The following ZFR variants were observed in gnomAD, a reference collection of about 807,000 sequenced individuals.
ZFR encodes the protein zinc finger RNA-binding protein.
ZFR carries 19 observed loss-of-function variants against 130.7 expected under a neutral mutation model. That is an observed-to-expected ratio of 0.15 (90% CI 0.10 to 0.21). ZFR has a LOEUF of 0.21. Among genes scored for constraint, ZFR ranks in the 10% least tolerant of loss-of-function variants. The pLI is 1.00. For missense variants in ZFR, 872 were observed against 1,321.5 expected (o/e 0.66, Z 5.27); for synonymous variants, 466 against 456.9 (o/e 1.02, Z -0.25).
intron 15 of ZFR, 132 bp downstream of exon 15, chr5:32,385,376 C>CTAAA: frequency 9.3e-7 from 1 of 1,072,466 alleles, no homozygotes; most frequent in African/African-American, 1.6e-5. Flanking sequence ...AAACCGGTTG[C>CTAAA]TAAATAAGTC....
At chr5:32,360,694 T>C (rs1752414128) in intron 19 of ZFR, among the ~76,000 whole-genome samples, 2 of 152,230 alleles carry the variant, frequency 1.3e-5, no homozygotes, top group African/African-American at 4.8e-5. Flanking sequence ...TATCTAGATA[T>C]CAAAGAGTTG....
At chr5:32,416,661 C>T (rs560238821) in intron 4 of ZFR, among the ~76,000 whole-genome samples, 54 of 150,642 alleles carry the variant, frequency 3.6e-4, no homozygotes, top group Middle Eastern at 3.4e-3. Flanking sequence ...CAGATAGTCA[C>T]TATAATTCAA....
At chr5:32,403,506 T>G (rs1172358543) in intron 7 of ZFR, 109 bp from the exon 8 acceptor site, 1 of 1,369,142 alleles carries the variant, frequency 7.3e-7, no homozygotes, top group East Asian at 2.3e-5. Flanking sequence ...TTTGTTGTAT[T>G]TTTTCTGCTA....
intron 8 of ZFR, among the ~76,000 whole-genome samples, chr5:32,401,067 A>G (rs1338902444): frequency 6.6e-6 from 1 of 152,260 alleles, no homozygotes. Context: ...GAAGAACCTC[A>G]GAAACTGATG....
At chr5:32,431,089 A>T (rs368527708) in intron 2 of ZFR, among the ~76,000 whole-genome samples, 2 of 152,252 alleles carry the variant, frequency 1.3e-5, no homozygotes, top group African/African-American at 2.4e-5. Context: ...AACGAAAGCA[A>T]GAGGAAAACC....
At position 32,388,350 on chromosome 5, in the gene ZFR, C is replaced by G; in HGVS notation, c.2348+119G>C. 6 of 933,600 alleles carry G rather than the reference C, an allele frequency of 6.4e-6. No individual in the cohort carries two copies. The South Asian group carries it at 1.1e-4, about 16-fold the overall frequency. The allele number at this position is 933,600 out of a possible 1,614,324, so 57.8% of individuals were successfully genotyped here. A position where few individuals can be genotyped will look rare whatever the true frequency, so the allele number is the denominator to read the frequency against. ...GAATACATGAAATATCGAACACAGG[C>G]ATGGTTAAAACACATAGAACTCACA... On this transcript the variant is annotated intron_variant, in intron 13 of 19. Coordinates refer to ENST00000265069, the MANE Select transcript of ZFR (RefSeq NM_016107.5).
intron 16 of ZFR, 67 bp downstream of exon 16, chr5:32,380,008 T>C: frequency 7.5e-7 from 1 of 1,330,468 alleles, no homozygotes; most frequent in South Asian, 1.2e-5. Flanking sequence ...TAAGCACAGT[T>C]AAACATGTTG....
rs774704064 is a variant in ZFR, at chr5:32,403,328, T to A, written c.1294A>T (p.Thr432Ser). ...STEPNVVSQATSSTAVSASKP... is the reference protein window; with the variant it reads ...STEPNVVSQASSSTAVSASKP... ...GAAGCAGATACAGCTGTTGAAGAAG[T>A]AGCTTGGCTAACAACATTTGGTTCT... The change falls in exon 8 of 20, where the codon ACT (threonine) becomes TCT (serine). Residue 432 changes from threonine (T) to serine (S), a missense_variant. By Grantham distance (58) the Thr-to-Ser change is moderately conservative. Transcript: ENST00000265069. 4.3e-6 allele frequency: 7 copies of A among 1,614,204 alleles called. No homozygotes were observed. The South Asian group carries it at 7.7e-5, about 18-fold the overall frequency.
intron 4 of ZFR, 52 bp downstream of exon 4, chr5:32,417,596 G>C: frequency 6.3e-7 from 1 of 1,599,570 alleles, no homozygotes; most frequent in South Asian, 1.1e-5. Context: ...AACGCAGTAA[G>C]TCATATACTT....
chr5:32,444,689 C>T lies in ZFR; in HGVS notation c.-31G>A. On this transcript the variant is annotated 5_prime_UTR_variant, in exon 1 of 20. Transcript: ENST00000265069. The stretch of plus-strand genomic sequence containing the variant: ...CGGGCTGCTGCTGCTGAACTCTGAA[C>T]TCTCACCCGCTGCCTCCCTCCTCTG... 6.7e-7 allele frequency: 1 copy of T among 1,503,588 alleles called. No homozygotes were observed. The highest frequency in any genetic ancestry group is 8.9e-7 in the Non-Finnish European group (1 of 1,126,180). The allele number at this position is 1,503,588 out of a possible 1,614,324, so 93.1% of individuals were successfully genotyped here.
chr5:32,387,855 A>G (rs561327463), intron 13 of ZFR, among the ~76,000 whole-genome samples, 156 bp from the exon 14 acceptor site: 36 of 152,286 alleles, frequency 2.4e-4, no homozygotes, highest in Admixed American at 2.0e-4. Context: ...ACTATACTTC[A>G]TTTAAGCAAT....
chr5:32,400,960 C>T (rs1753437081), intron 8 of ZFR, among the ~76,000 whole-genome samples: 1 of 152,170 alleles, frequency 6.6e-6, no homozygotes, highest in Non-Finnish European at 1.5e-5. Context: ...AGTTTCCCAC[C>T]AGGGAAGGAA....
At chr5:32,361,101 C>T (rs551098844) in intron 19 of ZFR, among the ~76,000 whole-genome samples, 1 of 152,324 alleles carries the variant, frequency 6.6e-6, no homozygotes, top group East Asian at 1.9e-4. Context: ...AGGCGTGAGC[C>T]ACTGTGCCTG....
chr5:32,368,225 A>C (rs927293064), intron 17 of ZFR, among the ~76,000 whole-genome samples: 11 of 97,276 alleles, frequency 1.1e-4, no homozygotes, highest in African/African-American at 4.6e-4. Flanking sequence ...ACAAATGGCA[A>C]ACTGCATCAA....
At chr5:32,412,713 C>A (rs1753738042) in intron 5 of ZFR, among the ~76,000 whole-genome samples, 1 of 152,170 alleles carries the variant, frequency 6.6e-6, no homozygotes, top group Non-Finnish European at 1.5e-5. Context: ...AGTACCATGT[C>A]ATCTACAACT....
intron 2 of ZFR, among the ~76,000 whole-genome samples, chr5:32,422,057 C>T (rs1373951745): frequency 3.9e-5 from 6 of 151,908 alleles, no homozygotes; most frequent in African/African-American, 1.5e-4. Flanking sequence ...CAGACTAAAC[C>T]ACCTAAGAGT....
intron 3 of ZFR, 62 bp from the exon 4 acceptor site, chr5:32,417,854 C>T: frequency 2.6e-6 from 4 of 1,549,502 alleles, no homozygotes; most frequent in Non-Finnish European, 3.5e-6. Flanking sequence ...AAAATACTTA[C>T]TGTATAGAAG....
intron 4 of ZFR, among the ~76,000 whole-genome samples, chr5:32,415,532 G>A (rs901246917): frequency 9.3e-5 from 14 of 150,788 alleles, no homozygotes; most frequent in East Asian, 3.9e-4. Flanking sequence ...GCGCGCGCGC[G>A]CACTAGTCAG....
chr5:32,388,841 C>A (rs777159901), intron 12 of ZFR, among the ~76,000 whole-genome samples, 167 bp from the exon 13 acceptor site: 11 of 152,168 alleles, frequency 7.2e-5, no homozygotes, highest in Non-Finnish European at 1.2e-4. Context: ...GTTATACCAT[C>A]AAGACTATAT....
Sources: gnomAD v4.1 joint callset for allele counts (sites outside exome capture counted in the v4.1 genomes callset) on GRCh38, gnomAD v4.1.1 for gene constraint, MANE v1.5 for transcripts, NCBI Gene and HGNC (gene_info 2026-07-23, HGNC 2026-07-21) for gene names.